The following WNK1 variants were observed in gnomAD, a reference collection of about 807,000 sequenced individuals.
The protein encoded by WNK1 is serine/threonine-protein kinase WNK1.
Under a neutral mutation model 222.8 loss-of-function variants are expected in WNK1, and 38 were observed. The ratio of observed to expected loss-of-function variants is 0.17; its 90% confidence interval spans 0.13 to 0.22. The LOEUF is 0.22. WNK1 is among the 10% of genes least tolerant of loss of function. WNK1 has a pLI of 1.00. For missense variants in WNK1, 2,348 were observed against 2,918.4 expected (o/e 0.80, Z 4.50); for synonymous variants, 1,090 against 1,092.9 (o/e 1.00, Z 0.05).
At chr12:901,682 C>G (rs1019074803) in intron 26 of WNK1, 3 of 1,199,020 alleles carry the variant, frequency 2.5e-6, no homozygotes, top group Non-Finnish European at 3.3e-6. Context: ...CCTTCCTTGT[C>G]CTTGTGTTTC....
intron 1 of WNK1, among the ~76,000 whole-genome samples, chr12:766,435 G>C (rs1238839358): frequency 6.6e-6 from 1 of 151,988 alleles, no homozygotes; most frequent in Admixed American, 6.6e-5. Flanking sequence ...GTCTGCTTTG[G>C]TATCTATCAT....
intron 8 of WNK1, among the ~76,000 whole-genome samples, chr12:869,813 CTTT>C (rs926387715): frequency 7.0e-6 from 1 of 142,688 alleles, no homozygotes; most frequent in Non-Finnish European, 1.5e-5. Flanking sequence ...GAGTGGTGGG[CTTT>C]TTTTTTTTGT....
chr12:785,618 G>C (rs1029229649), intron 1 of WNK1, among the ~76,000 whole-genome samples: 8 of 151,932 alleles, frequency 5.3e-5, no homozygotes, highest in Non-Finnish European at 1.0e-4. Flanking sequence ...AGGGTGATCT[G>C]GATCTCCTGA....
At chr12:778,637 C>CT (rs397849845) in intron 1 of WNK1, among the ~76,000 whole-genome samples, 31,929 of 136,552 alleles carry the variant, frequency 0.23, 3,682 homozygotes, top group East Asian at 0.33. Context: ...GGCCAATGAT[C>CT]TTTTTTTTTT....
intron 4 of WNK1, among the ~76,000 whole-genome samples, chr12:854,213 A>C (rs1481552760): frequency 6.6e-6 from 1 of 151,748 alleles, no homozygotes. Context: ...CCAAAAAGAC[A>C]AAAAATTAGC....
intron 1 of WNK1, among the ~76,000 whole-genome samples, chr12:812,310 C>T (rs1946981042): frequency 6.6e-6 from 1 of 152,086 alleles, no homozygotes; most frequent in African/African-American, 2.4e-5. Flanking sequence ...CACACACACA[C>T]TTTTAAAGGG....
intron 9 of WNK1, among the ~76,000 whole-genome samples, chr12:874,090 A>G (rs1010432952): frequency 6.6e-6 from 1 of 152,008 alleles, no homozygotes; most frequent in Non-Finnish European, 1.5e-5. Context: ...CAGGAGTTCA[A>G]GGCTACAGTG....
At chr12:868,959 G>A in intron 8 of WNK1, 1 of 1,588,926 alleles carries the variant, frequency 6.3e-7, no homozygotes, top group Non-Finnish European at 8.6e-7. Context: ...GCACCTTTTG[G>A]CTCTGACGTC....
Position 860,999 on chromosome 12 carries a change from C to G in WNK1, c.1621-14C>G. On this transcript the variant is annotated splice_polypyrimidine_tract_variant and intron_variant, in intron 6 of 27. Coordinates refer to ENST00000315939, the MANE Select transcript of WNK1 (RefSeq NM_018979.4). ...TCAATATACTACTGCTTAATTTACC[C>G]TTTTATTCTGTAGGTAGAGTCTGGG... is the stretch of plus-strand genomic sequence containing the variant. The G allele has an allele frequency of 6.2e-7, 1 of 1,612,416 alleles. No homozygotes were observed. The highest frequency in any genetic ancestry group is 1.1e-5 in the South Asian group (1 of 91,014).
chr12:901,658 G>A, intron 26 of WNK1: 1 of 1,277,386 alleles, frequency 7.8e-7, no homozygotes. Flanking sequence ...CTCTTTGTGT[G>A]TAACACCTTT....
intron 1 of WNK1, among the ~76,000 whole-genome samples, chr12:766,773 G>A (rs115784097): frequency 0.011 from 1,608 of 150,012 alleles, 29 homozygotes; most frequent in African/African-American, 0.037. Flanking sequence ...CACCACACCC[G>A]GCTTATTTTA....
chr12:826,345 TAGAC>T (rs1948359826), intron 2 of WNK1, among the ~76,000 whole-genome samples: 1 of 152,224 alleles, frequency 6.6e-6, no homozygotes, highest in Admixed American at 6.5e-5. Context: ...AAAGGTCTGT[TAGAC>T]AGCACTGTTC....
chr12:805,103 G>T (rs1453486582), intron 1 of WNK1, among the ~76,000 whole-genome samples: 3 of 152,002 alleles, frequency 2.0e-5, no homozygotes, highest in African/African-American at 7.2e-5. Context: ...TCATGTATCT[G>T]TTGGAGTGCC....
chr12:844,574 C>T (rs1232285740), intron 4 of WNK1, among the ~76,000 whole-genome samples: 1 of 152,088 alleles, frequency 6.6e-6, no homozygotes, highest in African/African-American at 2.4e-5. Context: ...TGCATTTGTG[C>T]TTTATTTTTC....
At position 827,416 on chromosome 12, in the gene WNK1, T is replaced by A; in HGVS notation, c.1153+154T>A. On this transcript the variant is annotated intron_variant, in intron 3 of 27. Transcript: ENST00000315939. This position sits in a 1 kb window ranked among gnomAD's most constrained non-coding sequence, Gnocchi z 4.6. ...CCATTGTACTTATGAGATATAGGAT[T>A]CTCTATATTTGTGCTTCTTGGAATC... is the stretch of plus-strand genomic sequence containing the variant. 1.5e-6 allele frequency: 1 copy of A among 674,276 alleles called. No individual in the cohort carries two copies. Among genetic ancestry groups the A allele is most frequent in the South Asian group, 1.8e-5 (1 of 57,078 alleles). The allele number at this position is 674,276 out of a possible 1,614,324, so 41.8% of individuals were successfully genotyped here.
chr12:858,335 G>A (rs1398693521), intron 5 of WNK1, among the ~76,000 whole-genome samples: 1 of 151,928 alleles, frequency 6.6e-6, no homozygotes, highest in East Asian at 1.9e-4. Context: ...GACTACAGAC[G>A]CACATCACCG....
chr12:783,990 T>G (rs1370654494), intron 1 of WNK1, among the ~76,000 whole-genome samples: 8 of 76,746 alleles, frequency 1.0e-4, no homozygotes, highest in Admixed American at 2.8e-4. Flanking sequence ...GAGGCTGAGG[T>G]GGGAGGATTG....
intron 22 of WNK1, among the ~76,000 whole-genome samples, chr12:891,355 C>T (rs552642680): frequency 7.2e-5 from 11 of 152,280 alleles, no homozygotes; most frequent in South Asian, 4.1e-4. Flanking sequence ...TCAGGCTGGT[C>T]GCAAACTCCT....
chr12:890,428 G>C, intron 21 of WNK1, 25 bp from the exon 22 acceptor site: 1 of 1,614,104 alleles, frequency 6.2e-7, no homozygotes, highest in Non-Finnish European at 8.5e-7. Flanking sequence ...AAGATTTGTG[G>C]TGTCTGTCTG....
Sources: allele counts gnomAD v4.1 joint callset (sites outside exome capture counted in the v4.1 genomes callset), GRCh38; gene constraint gnomAD v4.1.1; non-coding constraint Gnocchi (gnomAD v3.1); transcripts MANE v1.5; gene names NCBI Gene and HGNC (gene_info 2026-07-23, HGNC 2026-07-21).